The following RASA2 variants were observed in gnomAD, a reference collection of about 807,000 sequenced individuals.
RASA2 encodes RAS p21 protein activator 2.
In RASA2, 155 loss-of-function variants were observed where a neutral mutation model predicts 118.2. That is an observed-to-expected ratio of 1.31 (90% CI 1.15 to 1.50). The LOEUF (loss-of-function observed/expected upper bound fraction) is 1.50. Among genes scored for constraint, RASA2 ranks in the 40% most tolerant of loss-of-function variants. The probability of loss-of-function intolerance (pLI) is 0.00; values close to 1 mark genes in which losing one functional copy is unlikely to be tolerated. For synonymous variants in RASA2, 353 were observed against 349.1 expected, an observed-to-expected ratio of 1.01 and a Z score of -0.12; for missense variants, 1,016 against 1,009.6, an observed-to-expected ratio of 1.01 and a Z score of -0.09.
At chr3:141,607,578 C>A (rs376607539) in intron 19 of RASA2, 100 bp from the exon 20 acceptor site, 2 of 1,211,548 alleles carry the variant, frequency 1.7e-6, no homozygotes, top group African/African-American at 1.6e-5. Context: ...TACACTCCTA[C>A]CATCAAGAGG....
chr3:141,594,415 G>A (rs1195248347), intron 19 of RASA2, among the ~76,000 whole-genome samples: 1 of 151,910 alleles, frequency 6.6e-6, no homozygotes, highest in East Asian at 1.9e-4. Context: ...TGGTGAAACA[G>A]TATCTTATAG....
chr3:141,583,539 T>G (rs1011954453), intron 17 of RASA2, among the ~76,000 whole-genome samples: 2 of 152,202 alleles, frequency 1.3e-5, no homozygotes, highest in African/African-American at 4.8e-5. Flanking sequence ...TAGTGCATGG[T>G]CCATCTGGGA....
At chr3:141,541,919 C>A (rs1469838196) in intron 5 of RASA2, among the ~76,000 whole-genome samples, 2 of 151,842 alleles carry the variant, frequency 1.3e-5, no homozygotes, top group African/African-American at 2.4e-5. Context: ...CAACTGAGAG[C>A]ATATGGTGAA....
At chr3:141,523,436 T>G (rs1257237287) in intron 3 of RASA2, among the ~76,000 whole-genome samples, 2 of 152,158 alleles carry the variant, frequency 1.3e-5, no homozygotes, top group Non-Finnish European at 2.9e-5. Flanking sequence ...GACCACTGCC[T>G]CCTCCCAGTC....
chr3:141,508,342 T>A (rs74723092), intron 1 of RASA2, among the ~76,000 whole-genome samples: 4,667 of 152,024 alleles, frequency 0.031, 237 homozygotes, highest in African/African-American at 0.1. Flanking sequence ...AAAAGCAGTG[T>A]TACGATTTGG....
chr3:141,516,179 A>G, intron 2 of RASA2, 149 bp from the exon 3 acceptor site: 1 of 453,258 alleles, frequency 2.2e-6, no homozygotes, highest in Non-Finnish European at 3.0e-6. Context: ...GTGCACATGT[A>G]CCCTAGAACT....
chr3:141,610,046 T>G lies in RASA2; in HGVS notation c.2499T>G (p.Ser833Arg). 2 of 1,589,324 alleles carry G rather than the reference T, an allele frequency of 1.3e-6. No homozygotes were observed. The highest frequency in any genetic ancestry group is 1.7e-6 in the Non-Finnish European group (2 of 1,169,504). ...AAAAATATAGGAAGAAAAGATCCAG[T>G]AGTGCAAAATATGGGAGCAAGTGAG... is the stretch of plus-strand genomic sequence containing the variant. ...PHEKYRKKRS[S>R]SAKYGSKENP... Residue 833 changes from serine (S) to arginine (R), a missense_variant, in exon 23 of 24, where the codon AGT becomes AGG. By Grantham distance (110) the Ser-to-Arg change is moderately radical. Coordinates refer to ENST00000286364, the MANE Select transcript of RASA2 (RefSeq NM_006506.5).
chr3:141,538,486 A>G (rs991012259), intron 4 of RASA2, among the ~76,000 whole-genome samples: 3 of 152,130 alleles, frequency 2.0e-5, no homozygotes, highest in East Asian at 3.8e-4. Flanking sequence ...AATTTTATAC[A>G]TATATGTTTT....
At chr3:141,576,524 C>A (rs1260878693) in intron 14 of RASA2, among the ~76,000 whole-genome samples, 2 of 152,158 alleles carry the variant, frequency 1.3e-5, no homozygotes, top group Non-Finnish European at 1.5e-5. Flanking sequence ...CTGTTGATAG[C>A]TTTTTAAAGT....
At chr3:141,573,709 G>GT (rs765261668) in intron 13 of RASA2, among the ~76,000 whole-genome samples, 24 of 152,042 alleles carry the variant, frequency 1.6e-4, no homozygotes, top group Non-Finnish European at 3.1e-4. Flanking sequence ...TTCTTGTGAG[G>GT]TTTATTCATA....
chr3:141,503,663 A>G (rs1308484400), intron 1 of RASA2, among the ~76,000 whole-genome samples: 1 of 152,194 alleles, frequency 6.6e-6, no homozygotes, highest in African/African-American at 2.4e-5. Flanking sequence ...CATACTTATT[A>G]GTATTAGGCC....
At chr3:141,526,978 G>A (rs1045306730) in intron 3 of RASA2, among the ~76,000 whole-genome samples, 3 of 152,204 alleles carry the variant, frequency 2.0e-5, no homozygotes, top group Non-Finnish European at 4.4e-5. Context: ...CAGATGAGAT[G>A]TATTTCCAGT....
intron 17 of RASA2, among the ~76,000 whole-genome samples, chr3:141,583,085 A>G (rs1356262045): frequency 1.3e-5 from 2 of 152,126 alleles, no homozygotes; most frequent in African/African-American, 4.8e-5. Flanking sequence ...GTTTTCTTTC[A>G]CTTATATCTC....
At chr3:141,517,515 G>T (rs2082044742) in intron 3 of RASA2, among the ~76,000 whole-genome samples, 1 of 152,166 alleles carries the variant, frequency 6.6e-6, no homozygotes, top group South Asian at 2.1e-4. Flanking sequence ...AGAACTCACT[G>T]TCATGAGAGC....
Position 141,492,169 on chromosome 3 carries a change from T to G in RASA2, c.133+4953T>G, listed in dbSNP as rs536848779. On this transcript the variant is annotated intron_variant, in intron 1 of 23. Coordinates refer to ENST00000286364, the MANE Select transcript of RASA2 (RefSeq NM_006506.5). The stretch of plus-strand genomic sequence containing the variant: ...GTTCATAGAGTTGTTTTTTTAAAAC[T>G]TAGAACTCTTTGAATAGATCCTTAA... Among the ~76,000 whole-genome samples, 11 of 152,300 alleles carry G rather than the reference T, an allele frequency of 7.2e-5. No individual in the cohort carries two copies. In the East Asian group the frequency reaches 1.5e-3, roughly 21 times the overall value.
At chr3:141,599,894 C>T (rs1560061665) in intron 19 of RASA2, among the ~76,000 whole-genome samples, 1 of 152,172 alleles carries the variant, frequency 6.6e-6, no homozygotes, top group East Asian at 1.9e-4. Flanking sequence ...GTAGAACACT[C>T]TTTAAATTGT....
intron 1 of RASA2, among the ~76,000 whole-genome samples, chr3:141,491,818 T>C (rs957906221): frequency 1.3e-5 from 2 of 152,188 alleles, no homozygotes; most frequent in African/African-American, 4.8e-5. Flanking sequence ...GAAAAGAAAA[T>C]CTCATATTCA....
At position 141,512,317 on chromosome 3, in the gene RASA2, A is replaced by G. The variant is rs377533452; in HGVS notation, c.251+37A>G. 15 of 1,336,534 alleles carry G rather than the reference A, an allele frequency of 1.1e-5. No homozygotes were observed. In the African/African-American group the frequency reaches 1.5e-4, roughly 13 times the overall value. The allele number at this position is 1,336,534 out of a possible 1,614,324, so 82.8% of individuals were successfully genotyped here. A position where few individuals can be genotyped will look rare whatever the true frequency, so the allele number is the denominator to read the frequency against. The stretch of plus-strand genomic sequence containing the variant: ...AAATTGGTAAATTATAATTTTTACT[A>G]TATAGATTGGTAAATATTATGCATT... On this transcript the variant is annotated intron_variant, in intron 2 of 23. Transcript: ENST00000286364.
At chr3:141,499,439 A>AC (rs891305318) in intron 1 of RASA2, among the ~76,000 whole-genome samples, 1 of 152,110 alleles carries the variant, frequency 6.6e-6, no homozygotes, top group Admixed American at 6.5e-5. Context: ...CACACACACG[A>AC]AAAAACAGTT....
Sources: gnomAD v4.1 joint callset for allele counts (sites outside exome capture counted in the v4.1 genomes callset) on GRCh38, gnomAD v4.1.1 for gene constraint, MANE v1.5 for transcripts, NCBI Gene and HGNC (gene_info 2026-07-23, HGNC 2026-07-21) for gene names.